CDH8: variants seen among roughly 807,000 people sequenced by gnomAD.
CDH8 encodes the protein cadherin-8.
In CDH8, 17 loss-of-function variants were observed where a neutral mutation model predicts 68.1. The ratio of observed to expected loss-of-function variants is 0.25; its 90% CI spans 0.17 to 0.37. The LOEUF is 0.37. CDH8 is among the 10% of genes least tolerant of loss of function. The pLI, the probability that CDH8 is intolerant of heterozygous loss-of-function variation, is 1.00. For synonymous variants in CDH8, 372 were observed against 365.1 expected (o/e 1.02, Z -0.21); for missense variants, 763 against 999.3 (o/e 0.76, Z 3.19).
intron 2 of CDH8, among the ~76,000 whole-genome samples, chr16:61,930,553 A>G (rs921500837): frequency 7.9e-5 from 12 of 152,190 alleles, no homozygotes; most frequent in Non-Finnish European, 5.9e-5. Flanking sequence ...TGCCAAAAGG[A>G]CTGTAGGTTT....
chr16:61,696,471 G>T (rs1167950759), intron 10 of CDH8, among the ~76,000 whole-genome samples: 1 of 152,176 alleles, frequency 6.6e-6, no homozygotes. Context: ...AGATGCTGGC[G>T]AGGATGCAGA....
At chr16:61,657,318 A>G (rs950239167) in intron 10 of CDH8, among the ~76,000 whole-genome samples, 4 of 152,118 alleles carry the variant, frequency 2.6e-5, no homozygotes, top group South Asian at 2.1e-4. Flanking sequence ...ATATAGTTAT[A>G]TTTAATTTTG....
rs781148249 is a variant in CDH8, at chr16:61,706,620, C to CAAAAA, written c.1654+7216_1654+7220dup. ...TGGGCACCAGAGCAAGACTCTGTCT[C>CAAAAA]AAAAAAAAAAAAAAAAAAAAAAAAG... On this transcript the variant is annotated intron_variant, in intron 10 of 11. Coordinates refer to ENST00000577390, the MANE Select transcript of CDH8 (RefSeq NM_001796.5). Among the ~76,000 whole-genome samples, 306 of 60,336 alleles carry CAAAAA rather than the reference C, an allele frequency of 5.1e-3. 10 individuals are homozygous for CAAAAA. The highest frequency in any genetic ancestry group is 0.01 in the East Asian group (16 of 1,568). 39.6% of individuals were successfully genotyped at this position (60,336 alleles called of 152,430 possible).
At chr16:61,672,993 A>G (rs779590775) in intron 10 of CDH8, among the ~76,000 whole-genome samples, 7 of 152,110 alleles carry the variant, frequency 4.6e-5, no homozygotes, top group Non-Finnish European at 1.0e-4. Context: ...TCACCAAAGA[A>G]AATGCCAAAA....
chr16:61,978,889 CCCT>C (rs1327754611), intron 2 of CDH8, among the ~76,000 whole-genome samples: 2 of 152,106 alleles, frequency 1.3e-5, no homozygotes, highest in Non-Finnish European at 2.9e-5. Context: ...CTCCTCACCT[CCCT>C]CCTGCCAATC....
intron 7 of CDH8, among the ~76,000 whole-genome samples, chr16:61,804,259 T>C (rs1396884668): frequency 4.6e-5 from 7 of 151,910 alleles, no homozygotes; most frequent in Non-Finnish European, 8.8e-5. Flanking sequence ...AAAGATGTTC[T>C]TTAAAACCAA....
At chr16:61,812,854 C>A (rs1961982823) in intron 7 of CDH8, among the ~76,000 whole-genome samples, 1 of 152,122 alleles carries the variant, frequency 6.6e-6, no homozygotes. Context: ...CCTGCGTTTA[C>A]GTGCTATATC....
At position 61,835,497 on chromosome 16, in the gene CDH8, C is replaced by T. The variant is rs182153669; in HGVS notation, c.668-10318G>A. ...CTGTTACTTCTGTAGCTCTTGGATT[C>T]CCTGTTAAATAATTCTACACAGGCC... On this transcript the variant is annotated intron_variant, in intron 4 of 11. Transcript: ENST00000577390. 2.0e-3 allele frequency among the ~76,000 whole-genome samples: 308 copies of T among 151,988 alleles called. 2 individuals carry two copies. Among genetic ancestry groups the T allele is most frequent in the African/African-American group, 6.8e-3 (283 of 41,492 alleles).
At chr16:61,716,019 A>G (rs1209876809) in intron 9 of CDH8, among the ~76,000 whole-genome samples, 1 of 151,684 alleles carries the variant, frequency 6.6e-6, no homozygotes, top group Non-Finnish European at 1.5e-5. Flanking sequence ...CCATTTACCC[A>G]GACTTCTCTC....
At chr16:61,966,158 A>G (rs1567549066) in intron 2 of CDH8, among the ~76,000 whole-genome samples, 1 of 152,212 alleles carries the variant, frequency 6.6e-6, no homozygotes, top group Non-Finnish European at 1.5e-5. Flanking sequence ...CTTAGTCTAC[A>G]TATTTATTAT....
intron 2 of CDH8, among the ~76,000 whole-genome samples, chr16:61,961,853 C>G (rs928961685): frequency 6.6e-5 from 10 of 152,156 alleles, no homozygotes; most frequent in African/African-American, 2.2e-4. Context: ...GACCCTTGAA[C>G]AATACAAGGA....
At chr16:61,794,713 T>C (rs1042305577) in intron 7 of CDH8, among the ~76,000 whole-genome samples, 6 of 152,036 alleles carry the variant, frequency 3.9e-5, no homozygotes, top group African/African-American at 1.4e-4. Flanking sequence ...GAAGGGAGAA[T>C]AAATAGGAAC....
rs201057171 is a variant in CDH8, at chr16:61,653,604, A to G, written c.*4T>C. ...AGTTCCAGTGATTTATTTATAATCC[A>G]CTGTCAAGTTTCTTTGTCACTTTCA... On this transcript the variant is annotated 3_prime_UTR_variant, in exon 12 of 12. Coordinates refer to ENST00000577390, the MANE Select transcript of CDH8 (RefSeq NM_001796.5). The G allele has an allele frequency of 6.2e-7, 1 of 1,602,888 alleles. No individual in the cohort carries two copies. Among genetic ancestry groups the G allele is most frequent in the Non-Finnish European group, 8.5e-7 (1 of 1,175,270 alleles).
intron 8 of CDH8, among the ~76,000 whole-genome samples, chr16:61,784,208 C>G (rs916780968): frequency 6.6e-6 from 1 of 151,938 alleles, no homozygotes; most frequent in African/African-American, 2.4e-5. Flanking sequence ...CGTGCAGAGA[C>G]ACACATAGGT....
chr16:61,919,093 C>A (rs1964312257), intron 2 of CDH8, among the ~76,000 whole-genome samples: 1 of 145,944 alleles, frequency 6.9e-6, no homozygotes, highest in Non-Finnish European at 1.5e-5. Flanking sequence ...AACAGACCTG[C>A]AGCTGAGGGT....
chr16:62,011,593 G>GT (rs1404969768), intron 2 of CDH8, among the ~76,000 whole-genome samples: 1 of 152,184 alleles, frequency 6.6e-6, no homozygotes, highest in African/African-American at 2.4e-5. Context: ...GTTGATTGAT[G>GT]ATTGGCTGAT....
chr16:61,798,969 G>T (rs1397862917), intron 7 of CDH8, among the ~76,000 whole-genome samples: 2 of 152,170 alleles, frequency 1.3e-5, no homozygotes, highest in African/African-American at 2.4e-5. Flanking sequence ...CGGAAGTTCT[G>T]GTGGCTATTT....
chr16:61,740,066 C>T (rs977066347), intron 8 of CDH8, among the ~76,000 whole-genome samples: 2 of 151,480 alleles, frequency 1.3e-5, no homozygotes, highest in Non-Finnish European at 2.9e-5. Context: ...TGCCACCACG[C>T]CCGGCTAATT....
chr16:61,807,629 G>T (rs1194836682), intron 7 of CDH8, among the ~76,000 whole-genome samples: 1 of 152,178 alleles, frequency 6.6e-6, no homozygotes, highest in Non-Finnish European at 1.5e-5. Context: ...CCAGAGATGT[G>T]AGGGGCGTGG....
Sources: gnomAD v4.1 joint callset for allele counts (sites outside exome capture counted in the v4.1 genomes callset) on GRCh38, gnomAD v4.1.1 for gene constraint, MANE v1.5 for transcripts, NCBI Gene and HGNC (gene_info 2026-07-23, HGNC 2026-07-21) for gene names.